CACNA2D3: variants seen among roughly 807,000 people sequenced by gnomAD.
CACNA2D3 encodes the protein calcium voltage-gated channel auxiliary subunit alpha2delta 3.
A neutral mutation model predicts 160.6 loss-of-function variants in CACNA2D3; 60 were observed. The observed-to-expected ratio is 0.37, with a 90% CI of 0.30 to 0.46. CACNA2D3 has a LOEUF of 0.46. Ranked by LOEUF, CACNA2D3 falls within the 20% of genes least tolerant of loss-of-function variation. CACNA2D3 has a pLI of 1.00. For synonymous variants in CACNA2D3, 558 were observed against 492.9 expected, an observed-to-expected ratio of 1.13 and a Z score of -1.75; for missense variants, 1,205 against 1,365.0, an observed-to-expected ratio of 0.88 and a Z score of 1.85.
rs60287260 is a variant in CACNA2D3 at position 54,991,825 on chromosome 3, A to T, written c.2690+4072A>T. On this transcript the variant is annotated intron_variant, in intron 31 of 37. Coordinates refer to ENST00000474759, the MANE Select transcript of CACNA2D3 (RefSeq NM_018398.3). Reference sequence around the variant, plus strand: ...GATCTCAATGGATTTTCTGAGAATTAACTAAAATACAATATGTTAAAATGC... The same window carrying T: ...GATCTCAATGGATTTTCTGAGAATTTACTAAAATACAATATGTTAAAATGC... Among the ~76,000 whole-genome samples, 1,448 of 152,274 alleles carry T rather than the reference A, an allele frequency of 9.5e-3. 30 individuals carry two copies. The highest frequency in any genetic ancestry group is 0.034 in the African/African-American group (1,395 of 41,558).
chr3:54,465,922 T>G (rs535704771), intron 4 of CACNA2D3, among the ~76,000 whole-genome samples: 1 of 152,278 alleles, frequency 6.6e-6, no homozygotes, highest in African/African-American at 2.4e-5. Context: ...TCCTAGTTCA[T>G]TGAGGCTGTT....
rs953774353 is a variant in CACNA2D3 at position 54,122,624 on chromosome 3, G to T, written c.-90G>T. The T allele has an allele frequency of 5.8e-6, 5 of 863,104 alleles. No individual in the cohort carries two copies. In the South Asian group the frequency reaches 1.6e-4, roughly 27 times the overall value. The allele number at this position is 863,104 out of a possible 1,614,324, so 53.5% of individuals were successfully genotyped here. A position where few individuals can be genotyped will look rare whatever the true frequency, so the allele number is the denominator to read the frequency against. ...GGGGCGGCGCGGAGCGGAGCAGGCA[G>T]CCCCGCGCGCTCGCCCACCGCCCGC... On this transcript the variant is annotated 5_prime_UTR_variant, in exon 1 of 38. Coordinates refer to ENST00000474759, the MANE Select transcript of CACNA2D3 (RefSeq NM_018398.3).
chr3:54,440,211 G>A (rs546120351), intron 4 of CACNA2D3, among the ~76,000 whole-genome samples: 1 of 152,290 alleles, frequency 6.6e-6, no homozygotes, highest in Non-Finnish European at 1.5e-5. Flanking sequence ...TACCTTAAAG[G>A]ATTAGTATAA....
Position 54,659,390 on chromosome 3 carries a change from A to G in CACNA2D3, c.1167+17149A>G, listed in dbSNP as rs549032791. On this transcript the variant is annotated intron_variant, in intron 11 of 37. Transcript: ENST00000474759. ...TTGATACTCCCAGCACTTTTATGAT[A>G]CAGATATTTATAGTATATCCCTTTT... Among the ~76,000 whole-genome samples, 8 of 152,312 alleles carry G rather than the reference A, an allele frequency of 5.3e-5. No homozygotes were observed. In the South Asian group the frequency reaches 1.0e-3, roughly 20 times the overall value.
intron 11 of CACNA2D3, among the ~76,000 whole-genome samples, chr3:54,735,952 A>ATATATCTTTGCATTATTTTTCCATGAT (rs1701490011): frequency 7.3e-6 from 1 of 136,070 alleles, no homozygotes; most frequent in African/African-American, 2.7e-5. Flanking sequence ...CACTTTTTGC[A>ATATATCTTTGCATTATTTTTCCATGAT]TATATCTTTG....
intron 2 of CACNA2D3, among the ~76,000 whole-genome samples, chr3:54,226,312 C>CTTT (rs10677482): frequency 0.027 from 2,850 of 106,838 alleles, 205 homozygotes; most frequent in African/African-American, 0.054. Context: ...GCCCCTGATG[C>CTTT]TTTTTTTTTT....
At chr3:54,813,051 T>A (rs916787204) in intron 13 of CACNA2D3, among the ~76,000 whole-genome samples, 1 of 152,228 alleles carries the variant, frequency 6.6e-6, no homozygotes, top group African/African-American at 2.4e-5. Context: ...TCTCCATGTT[T>A]GAATGTGAAG....
chr3:54,877,974 C>T (rs998364892), intron 18 of CACNA2D3, among the ~76,000 whole-genome samples: 14 of 152,036 alleles, frequency 9.2e-5, no homozygotes, highest in African/African-American at 2.7e-4. Flanking sequence ...TCCAGAAATG[C>T]CTATTATGTG....
intron 13 of CACNA2D3, among the ~76,000 whole-genome samples, chr3:54,771,107 T>C (rs887114905): frequency 2.0e-5 from 3 of 152,148 alleles, no homozygotes; most frequent in African/African-American, 4.8e-5. Flanking sequence ...TTTTCTCTTA[T>C]TGTCTCTTAG....
At chr3:54,265,525 A>T (rs1702483611) in intron 2 of CACNA2D3, among the ~76,000 whole-genome samples, 1 of 135,522 alleles carries the variant, frequency 7.4e-6, no homozygotes, top group African/African-American at 3.1e-5. Context: ...CCCAGAACTT[A>T]AAGTATGTGT....
In CACNA2D3 at chr3:55,000,385, G is replaced by C. The variant is rs1259035904; in HGVS notation, c.2691-4378G>C. Among the ~76,000 whole-genome samples the C allele has an allele frequency of 4.6e-5, 7 of 152,098 alleles. No individual in the cohort carries two copies. In the East Asian group the frequency reaches 1.2e-3, roughly 25 times the overall value. On this transcript the variant is annotated intron_variant, in intron 31 of 37. Transcript: ENST00000474759. ...CGTCAATGGCAATAGTATCAGGAAA[G>C]CCTCCTTTTGAAATAGAGGAGTGGG...
intron 27 of CACNA2D3, among the ~76,000 whole-genome samples, chr3:54,903,963 T>C (rs1700398755): frequency 6.6e-6 from 1 of 152,258 alleles, no homozygotes; most frequent in African/African-American, 2.4e-5. Context: ...ATTAGACTTT[T>C]ATCAGATGCT....
intron 11 of CACNA2D3, among the ~76,000 whole-genome samples, chr3:54,693,050 C>T (rs583190): frequency 1.3e-5 from 2 of 151,550 alleles, no homozygotes; most frequent in South Asian, 4.2e-4. Context: ...ACCACCACCA[C>T]CAACAACAAA....
intron 4 of CACNA2D3, among the ~76,000 whole-genome samples, chr3:54,404,517 G>T (rs964059818): frequency 2.6e-5 from 4 of 152,118 alleles, no homozygotes; most frequent in Non-Finnish European, 5.9e-5. Flanking sequence ...AAAACCGACA[G>T]CTGGCATCAT....
chr3:54,760,275 C>G (rs1341575829), intron 12 of CACNA2D3, among the ~76,000 whole-genome samples: 1 of 152,010 alleles, frequency 6.6e-6, no homozygotes, highest in Non-Finnish European at 1.5e-5. Context: ...CAAAAAGGAA[C>G]CAAACATGGA....
chr3:54,513,971 C>T (rs1030399665), intron 5 of CACNA2D3, among the ~76,000 whole-genome samples: 3 of 152,160 alleles, frequency 2.0e-5, no homozygotes, highest in Non-Finnish European at 4.4e-5. Context: ...CCGCACCCAG[C>T]CGTCATGCCT....
At chr3:54,843,564 T>C (rs1698867466) in intron 16 of CACNA2D3, among the ~76,000 whole-genome samples, 1 of 152,182 alleles carries the variant, frequency 6.6e-6, no homozygotes, top group African/African-American at 2.4e-5. Context: ...CAGGGAGACC[T>C]GATGAACAGG....
At chr3:54,149,723 C>T (rs1356703445) in intron 2 of CACNA2D3, among the ~76,000 whole-genome samples, 4 of 152,028 alleles carry the variant, frequency 2.6e-5, no homozygotes, top group African/African-American at 9.7e-5. Context: ...CAAGCTCGGT[C>T]CCCAGTGTGA....
chr3:54,195,998 G>A (rs1173624071), intron 2 of CACNA2D3, among the ~76,000 whole-genome samples: 2 of 152,196 alleles, frequency 1.3e-5, no homozygotes, highest in African/African-American at 4.8e-5. Context: ...TTGAGTTAGT[G>A]TGTTGGAGGA....
Sources: allele counts gnomAD v4.1 joint callset (sites outside exome capture counted in the v4.1 genomes callset), GRCh38; gene constraint gnomAD v4.1.1; transcripts MANE v1.5; gene names NCBI Gene and HGNC (gene_info 2026-07-23, HGNC 2026-07-21).